COBL: variants seen among roughly 807,000 people sequenced by gnomAD.
COBL encodes the protein protein cordon-bleu.
Under a neutral mutation model 98.8 loss-of-function variants are expected in COBL, and 51 were observed. The ratio of observed to expected loss-of-function variants is 0.52; its 90% CI spans 0.41 to 0.65. The LOEUF (loss-of-function observed/expected upper bound fraction) is 0.65. Among genes scored for constraint, COBL ranks in the 30% least tolerant of loss-of-function variants. The pLI, the probability that COBL is intolerant of heterozygous loss-of-function variation, is 0.00. For missense variants in COBL, 1,617 were observed against 1,617.5 expected, an observed-to-expected ratio of 1.00 and a Z score of 0.01; for synonymous variants, 634 against 651.7, an observed-to-expected ratio of 0.97 and a Z score of 0.41.
intron 1 of COBL, among the ~76,000 whole-genome samples, chr7:51,288,630 T>A (rs1800597628): frequency 6.6e-6 from 1 of 151,810 alleles, no homozygotes; most frequent in Non-Finnish European, 1.5e-5. Context: ...GGGGGGTGCC[T>A]GTAATCCCAG....
Position 51,207,019 on chromosome 7 carries a change from C to T in COBL, c.245+12722G>A, listed in dbSNP as rs147405725. Among the ~76,000 whole-genome samples the T allele has an allele frequency of 3.8e-3, 573 of 152,286 alleles. 1 individual carries two copies. Among genetic ancestry groups the T allele is most frequent in the African/African-American group, 0.013 (554 of 41,550 alleles). On this transcript the variant is annotated intron_variant, in intron 2 of 12. Transcript: ENST00000265136. ...TAAGAGAGTCAACCTTCAGTGTTCTCACTACACACACACACATACACACAC... is the reference window on the plus strand; with the variant it reads ...TAAGAGAGTCAACCTTCAGTGTTCTTACTACACACACACACATACACACAC...
intron 6 of COBL, among the ~76,000 whole-genome samples, chr7:51,117,812 T>C (rs1797411760): frequency 6.6e-6 from 1 of 152,184 alleles, no homozygotes; most frequent in Admixed American, 6.5e-5. Context: ...GCTTAGGAGG[T>C]TCTAGATTCC....
rs73353844 is a variant in COBL, at chr7:51,047,822, A to C, written c.1097-4130T>G. On this transcript the variant is annotated intron_variant, in intron 7 of 12. Transcript: ENST00000265136. ...CACTTGGAAGAAAGGGAAAAATTACAAGGTAAAGTGCTTCTGAACTAGTGA... is the reference window on the plus strand; with the variant it reads ...CACTTGGAAGAAAGGGAAAAATTACCAGGTAAAGTGCTTCTGAACTAGTGA... 8.1e-3 allele frequency among the ~76,000 whole-genome samples: 1,228 copies of C among 152,316 alleles called. 19 individuals carry two copies. The highest frequency in any genetic ancestry group is 0.028 in the African/African-American group (1,162 of 41,560).
intron 6 of COBL, among the ~76,000 whole-genome samples, chr7:51,110,131 C>G (rs1189393246): frequency 6.6e-6 from 1 of 152,170 alleles, no homozygotes; most frequent in Admixed American, 6.5e-5. Flanking sequence ...CATTTAAAAT[C>G]TTTTCTATTT....
At chr7:51,106,527 C>T (rs533263120) in intron 6 of COBL, among the ~76,000 whole-genome samples, 1 of 152,286 alleles carries the variant, frequency 6.6e-6, no homozygotes, top group South Asian at 2.1e-4. Flanking sequence ...AACCACACAT[C>T]ATAGGCCTGT....
intron 1 of COBL, among the ~76,000 whole-genome samples, chr7:51,246,352 G>A (rs925678962): frequency 1.3e-5 from 2 of 152,200 alleles, no homozygotes; most frequent in Non-Finnish European, 2.9e-5. Flanking sequence ...GAAGCCCATA[G>A]TAAATGCTGT....
chr7:51,209,274 C>T (rs922817543), intron 2 of COBL, among the ~76,000 whole-genome samples: 12 of 152,038 alleles, frequency 7.9e-5, no homozygotes, highest in South Asian at 2.1e-4. Context: ...ATACAAACAA[C>T]GCTCAAAGCT....
chr7:51,282,501 C>T (rs1160064051), intron 1 of COBL, among the ~76,000 whole-genome samples: 1 of 151,984 alleles, frequency 6.6e-6, no homozygotes, highest in Non-Finnish European at 1.5e-5. Context: ...ATAAAAGAGT[C>T]AATTCAACAA....
chr7:51,219,659 T>C, intron 2 of COBL, 82 bp downstream of exon 2: 1 of 1,437,366 alleles, frequency 7.0e-7, no homozygotes, highest in East Asian at 2.3e-5. Flanking sequence ...GAAAATGCAA[T>C]ACATCAACAT....
intron 7 of COBL, among the ~76,000 whole-genome samples, chr7:51,078,839 C>G (rs554548338): frequency 6.6e-6 from 1 of 152,118 alleles, no homozygotes; most frequent in African/African-American, 2.4e-5. Flanking sequence ...AGGGCCTCAG[C>G]GCCTCGCTGG....
intron 1 of COBL, among the ~76,000 whole-genome samples, chr7:51,302,061 C>T (rs1467584804): frequency 6.6e-6 from 1 of 152,142 alleles, no homozygotes; most frequent in East Asian, 1.9e-4. Flanking sequence ...GGGCAGCCGC[C>T]GAGCTGCATG....
At chr7:51,099,287 C>G (rs185994464) in intron 6 of COBL, among the ~76,000 whole-genome samples, 1 of 152,226 alleles carries the variant, frequency 6.6e-6, no homozygotes, top group East Asian at 1.9e-4. Flanking sequence ...GAACAGCAAA[C>G]AGAATTTCAA....
At chr7:51,306,859 G>A (rs1209152966) in intron 1 of COBL, among the ~76,000 whole-genome samples, 2 of 152,192 alleles carry the variant, frequency 1.3e-5, no homozygotes, top group Admixed American at 6.5e-5. Flanking sequence ...ATGCTGCTGA[G>A]ACACTCCAGG....
intron 6 of COBL, among the ~76,000 whole-genome samples, chr7:51,128,305 T>G (rs1371826901): frequency 6.6e-6 from 1 of 152,132 alleles, no homozygotes; most frequent in Admixed American, 6.5e-5. Flanking sequence ...GCTGTGAGGG[T>G]TAGATCTAAC....
intron 1 of COBL, among the ~76,000 whole-genome samples, chr7:51,293,660 A>G (rs779049368): frequency 1.9e-4 from 29 of 152,230 alleles, no homozygotes; most frequent in Non-Finnish European, 2.1e-4. Context: ...GTATGCCTTA[A>G]TATGTATAGT....
chr7:51,082,194 G>C (rs1340878515), intron 7 of COBL, among the ~76,000 whole-genome samples: 1 of 152,130 alleles, frequency 6.6e-6, no homozygotes, highest in Admixed American at 6.5e-5. Context: ...CCTAACTAGA[G>C]GGCTGTGCAC....
chr7:51,109,458 C>A (rs971369194), intron 6 of COBL, among the ~76,000 whole-genome samples: 3 of 152,158 alleles, frequency 2.0e-5, no homozygotes, highest in African/African-American at 7.2e-5. Context: ...CTTCACTGCA[C>A]TGCTCCTGAA....
chr7:51,145,009 A>G (rs529672013), intron 5 of COBL, among the ~76,000 whole-genome samples: 1 of 152,070 alleles, frequency 6.6e-6, no homozygotes, highest in Non-Finnish European at 1.5e-5. Flanking sequence ...TGTACTATTC[A>G]CTTGTTTTTA....
At chr7:51,035,809 C>T (rs1788576637) in intron 8 of COBL, 1 of 152,204 alleles carries the variant, frequency 6.6e-6, no homozygotes, top group African/African-American at 2.4e-5. Flanking sequence ...TCGGCAGCCA[C>T]ACACATACTG....
Sources: gnomAD v4.1 joint callset for allele counts (sites outside exome capture counted in the v4.1 genomes callset) on GRCh38, gnomAD v4.1.1 for gene constraint, MANE v1.5 for transcripts, NCBI Gene and HGNC (gene_info 2026-07-23, HGNC 2026-07-21) for gene names.